CACNA1D: variants seen among roughly 807,000 people sequenced by gnomAD.
CACNA1D encodes the protein calcium voltage-gated channel subunit alpha1 D.
Under a neutral mutation model 257.1 loss-of-function variants are expected in CACNA1D, and 55 were observed. The ratio of observed to expected loss-of-function variants is 0.21; its 90% confidence interval spans 0.17 to 0.27. CACNA1D has a LOEUF of 0.27. CACNA1D is among the 10% of genes least tolerant of loss of function. CACNA1D has a pLI of 1.00. For synonymous variants in CACNA1D, 980 were observed against 1,014.9 expected (o/e 0.97, Z 0.65); for missense variants, 1,876 against 2,784.0 (o/e 0.67, Z 7.34).
chr3:53,553,823 T>C (rs936727193), intron 3 of CACNA1D, among the ~76,000 whole-genome samples: 1 of 151,360 alleles, frequency 6.6e-6, no homozygotes, highest in Non-Finnish European at 1.5e-5. Flanking sequence ...ACTGGTGAGT[T>C]CAAAGGTTCT....
intron 8 of CACNA1D, among the ~76,000 whole-genome samples, chr3:53,692,814 A>G (rs2094540124): frequency 6.6e-6 from 1 of 152,194 alleles, no homozygotes; most frequent in South Asian, 2.1e-4. Flanking sequence ...TCCCAGCACT[A>G]TGGGAGGCTG....
At chr3:53,628,645 T>C (rs964102429) in intron 3 of CACNA1D, among the ~76,000 whole-genome samples, 3 of 152,196 alleles carry the variant, frequency 2.0e-5, no homozygotes, top group Non-Finnish European at 4.4e-5. Flanking sequence ...CAGTTTCTTT[T>C]GTGCCTGCAA....
chr3:53,743,566 C>A (rs2108830419), intron 22 of CACNA1D, among the ~76,000 whole-genome samples: 1 of 152,270 alleles, frequency 6.6e-6, no homozygotes, highest in South Asian at 2.1e-4. Context: ...ATAGAACCTG[C>A]TAGGACTTTT....
In CACNA1D at chr3:53,744,837, C is replaced by T. The variant is rs763218229; in HGVS notation, c.3006+10C>T. 12 of 1,529,766 alleles carry T rather than the reference C, an allele frequency of 7.8e-6. No individual in the cohort carries two copies. The highest frequency in any genetic ancestry group is 1.0e-5 in the Non-Finnish European group (11 of 1,103,114). The allele number at this position is 1,529,766 out of a possible 1,614,324, so 94.8% of individuals were successfully genotyped here. On this transcript the variant is annotated intron_variant, in intron 23 of 47. Coordinates refer to ENST00000350061, the MANE Select transcript of CACNA1D (RefSeq NM_001128840.3). Reference sequence around the variant, plus strand: ...AGCAAAAGGACTTAAGGTTTTGATTCCTCTCCTCCCGGCTGGGCTGGCTTG... The same window carrying T: ...AGCAAAAGGACTTAAGGTTTTGATTTCTCTCCTCCCGGCTGGGCTGGCTTG...
chr3:53,811,652 C>G lies in CACNA1D; in HGVS notation c.*246C>G. 4.9e-6 allele frequency: 2 copies of G among 410,628 alleles called. No homozygotes were observed. The highest frequency in any genetic ancestry group is 8.8e-5 in the South Asian group (2 of 22,854). 25.4% of individuals were successfully genotyped at this position (410,628 alleles called of 1,614,324 possible). A position where few individuals can be genotyped will look rare whatever the true frequency, so the allele number is the denominator to read the frequency against. On this transcript the variant is annotated 3_prime_UTR_variant, in exon 48 of 48. Coordinates refer to ENST00000350061, the MANE Select transcript of CACNA1D (RefSeq NM_001128840.3). The surrounding 1 kb of genome is among the most constrained non-coding windows in gnomAD (Gnocchi z 4.2). ...TGCAGGAAACAGCAGGCCCCGCCCT[C>G]TCACAGAGGATGGGTGAGGAGGCCA...
At chr3:53,809,750 C>G (rs2095586334) in intron 46 of CACNA1D, 1 of 584,290 alleles carries the variant, frequency 1.7e-6, no homozygotes, top group South Asian at 2.0e-5. Flanking sequence ...TGGGAAAAGC[C>G]AAAGGAAATG....
chr3:53,811,064 G>A lies in CACNA1D; in HGVS notation c.6193-49G>A, dbSNP rs776145951. ...GATTTTTCTGTCGTCCCCCTGCCCTGCAAAGCCTTATAACACCCCCATGCC... is the reference window on the plus strand; with the variant it reads ...GATTTTTCTGTCGTCCCCCTGCCCTACAAAGCCTTATAACACCCCCATGCC... On this transcript the variant is annotated intron_variant, in intron 47 of 47. Transcript: ENST00000350061. The surrounding 1 kb of genome is among the most constrained non-coding windows in gnomAD (Gnocchi z 4.2). The A allele has an allele frequency of 8.7e-6, 13 of 1,501,238 alleles. No individual in the cohort carries two copies. In the African/African-American group the frequency reaches 1.2e-4, roughly 14 times the overall value. The allele number at this position is 1,501,238 out of a possible 1,614,324, so 93.0% of individuals were successfully genotyped here.
chr3:53,558,702 C>G (rs2092687241), intron 3 of CACNA1D, among the ~76,000 whole-genome samples: 2 of 152,168 alleles, frequency 1.3e-5, no homozygotes, highest in African/African-American at 4.8e-5. Context: ...TCTTTCTGAC[C>G]TCCATGGTTT....
chr3:53,505,115 GTTTTT>G (rs35938386), intron 3 of CACNA1D, among the ~76,000 whole-genome samples: 1 of 97,620 alleles, frequency 1.0e-5, no homozygotes, highest in African/African-American at 4.1e-5. Flanking sequence ...TTGTTTATTT[GTTTTT>G]TTTTTTTTTT....
chr3:53,609,425 A>C (rs889013269), intron 3 of CACNA1D, among the ~76,000 whole-genome samples: 3 of 151,778 alleles, frequency 2.0e-5, no homozygotes, highest in African/African-American at 7.3e-5. Flanking sequence ...AAAAAAAAAA[A>C]AAAAAAAACT....
intron 3 of CACNA1D, among the ~76,000 whole-genome samples, chr3:53,616,306 T>G (rs1191855930): frequency 1.3e-5 from 2 of 152,186 alleles, no homozygotes; most frequent in African/African-American, 4.8e-5. Context: ...ATGTCTCTGT[T>G]TCAGGACCCC....
chr3:53,762,842 A>G (rs2095311213), intron 30 of CACNA1D, among the ~76,000 whole-genome samples: 1 of 152,236 alleles, frequency 6.6e-6, no homozygotes, highest in African/African-American at 2.4e-5. Flanking sequence ...GTCTATGTAG[A>G]ATTGCCTTTT....
chr3:53,775,766 A>G, intron 34 of CACNA1D, 120 bp from the exon 35 acceptor site: 2 of 978,110 alleles, frequency 2.0e-6, no homozygotes, highest in South Asian at 1.3e-5. Context: ...ATTAATTCAA[A>G]TTGGATTTTC....
chr3:53,774,899 G>A lies in CACNA1D; in HGVS notation c.4202+221G>A, dbSNP rs2095388281. On this transcript the variant is annotated intron_variant, in intron 34 of 47. Coordinates refer to ENST00000350061, the MANE Select transcript of CACNA1D (RefSeq NM_001128840.3). This position sits in a 1 kb window ranked among gnomAD's most constrained non-coding sequence, Gnocchi z 4.3. ...AAACTGCTGTGGTAATCCCGATTGT[G>A]GCTGGCATAAGGTTTATTCATTTGG... Among the ~76,000 whole-genome samples, 1 of 152,190 alleles carries A rather than the reference G, an allele frequency of 6.6e-6. No homozygotes were observed. The highest frequency in any genetic ancestry group is 1.5e-5 in the Non-Finnish European group (1 of 68,036).
At chr3:53,760,535 A>G (rs777213012) in intron 29 of CACNA1D, among the ~76,000 whole-genome samples, 3 of 152,172 alleles carry the variant, frequency 2.0e-5, no homozygotes, top group Non-Finnish European at 4.4e-5. Flanking sequence ...TTATAGACAG[A>G]GCTGTTGATC....
chr3:53,694,333 T>A (rs2094554589), intron 8 of CACNA1D, among the ~76,000 whole-genome samples: 1 of 152,112 alleles, frequency 6.6e-6, no homozygotes, highest in South Asian at 2.1e-4. Flanking sequence ...GGTGGAGAGA[T>A]GAGCGGAAAG....
chr3:53,595,094 T>C (rs79690436), intron 3 of CACNA1D, among the ~76,000 whole-genome samples: 4,838 of 152,338 alleles, frequency 0.032, 274 homozygotes, highest in African/African-American at 0.11. Flanking sequence ...GTCATCTATT[T>C]TAGTGATGCT....
chr3:53,620,739 A>C (rs1388566578), intron 3 of CACNA1D, among the ~76,000 whole-genome samples: 3 of 152,196 alleles, frequency 2.0e-5, no homozygotes, highest in East Asian at 3.8e-4. Context: ...TGCACCCTAA[A>C]TTTTGGGATG....
intron 3 of CACNA1D, among the ~76,000 whole-genome samples, chr3:53,595,689 A>G (rs1202775582): frequency 1.3e-5 from 2 of 152,134 alleles, no homozygotes; most frequent in Non-Finnish European, 2.9e-5. Context: ...TGCCTGACCT[A>G]ACTCGGTTTG....
Sources: gnomAD v4.1 joint callset for allele counts (sites outside exome capture counted in the v4.1 genomes callset) on GRCh38, gnomAD v4.1.1 for gene constraint, Gnocchi (gnomAD v3.1) non-coding constraint, MANE v1.5 for transcripts, NCBI Gene and HGNC (gene_info 2026-07-23, HGNC 2026-07-21) for gene names.